Variants in CTNNAL1 observed in about 807,000 individuals in gnomAD.
CTNNAL1 encodes alpha-catulin.
A neutral mutation model predicts 93.6 loss-of-function variants in CTNNAL1; 69 were observed. The observed-to-expected ratio is 0.74, with a 90% CI of 0.61 to 0.90. The LOEUF (loss-of-function observed/expected upper bound fraction) is 0.90. Ranked by LOEUF, CTNNAL1 falls within the 40% of genes least tolerant of loss-of-function variation. CTNNAL1 has a pLI of 0.00. For missense variants in CTNNAL1, 836 were observed against 862.0 expected, an observed-to-expected ratio of 0.97 and a Z score of 0.38; for synonymous variants, 286 against 305.4, an observed-to-expected ratio of 0.94 and a Z score of 0.66.
At chr9:109,007,794 T>G (rs73654210) in intron 1 of CTNNAL1, among the ~76,000 whole-genome samples, 1 of 152,188 alleles carries the variant, frequency 6.6e-6, no homozygotes. Context: ...TGACAGCCCA[T>G]GTACTATCTG....
chr9:108,946,167 C>T (rs1174703291), intron 15 of CTNNAL1, among the ~76,000 whole-genome samples: 3 of 152,122 alleles, frequency 2.0e-5, no homozygotes, highest in Admixed American at 6.5e-5. Context: ...GGCGTGGTAG[C>T]GCACACCTGT....
At chr9:109,006,101 A>G (rs1019301057) in intron 1 of CTNNAL1, among the ~76,000 whole-genome samples, 6 of 152,356 alleles carry the variant, frequency 3.9e-5, no homozygotes, top group Admixed American at 3.9e-4. Flanking sequence ...GAGAGCCTCA[A>G]GAAATAAAAA....
chr9:109,013,445 C>G lies in CTNNAL1; in HGVS notation c.-3G>C. ...GCGGGTCCGGGAGAGGCGGCCATGGCCCTCGGTCTATCCCGCAGCCGGGAC... is the reference window on the plus strand; with the variant it reads ...GCGGGTCCGGGAGAGGCGGCCATGGGCCTCGGTCTATCCCGCAGCCGGGAC... On this transcript the variant is annotated 5_prime_UTR_variant, in exon 1 of 19. Coordinates refer to ENST00000325551, the MANE Select transcript of CTNNAL1 (RefSeq NM_003798.4). The G allele has an allele frequency of 6.9e-7, 1 of 1,454,598 alleles. No homozygotes were observed. The highest frequency in any genetic ancestry group is 9.1e-7 in the Non-Finnish European group (1 of 1,100,582). 90.1% of individuals were successfully genotyped at this position (1,454,598 alleles called of 1,614,324 possible).
chr9:108,970,135 A>C (rs1831067667), intron 10 of CTNNAL1, among the ~76,000 whole-genome samples: 1 of 152,236 alleles, frequency 6.6e-6, no homozygotes, highest in South Asian at 2.1e-4. Context: ...ACATGTTATA[A>C]CAAGTGCATT....
chr9:108,986,674 TCCTCTCCAGCAC>T (rs1276589314), intron 4 of CTNNAL1, among the ~76,000 whole-genome samples: 2 of 151,970 alleles, frequency 1.3e-5, no homozygotes, highest in East Asian at 3.9e-4. Flanking sequence ...TTTCTCCACA[TCCTCTCCAGCAC>T]CTGTTGTTTC....
chr9:108,983,186 T>C lies in CTNNAL1; in HGVS notation c.859A>G (p.Ile287Val). The change falls in exon 6 of 19, where the codon ATT becomes GTT. Residue 287 changes from isoleucine to valine, a missense_variant. Transcript: ENST00000325551. ...TDCKPNGETD[I>V]SSISIFTGIK... ...CCAGTAAAAATACTGATAGATGAAA[T>C]GTCAGTCTCTCCATTCGGTTTACAG... is the stretch of plus-strand genomic sequence containing the variant. 2 of 1,570,910 alleles carry C rather than the reference T, an allele frequency of 1.3e-6. No individual in the cohort carries two copies. The highest frequency in any genetic ancestry group is 1.7e-4 in the Middle Eastern group (1 of 5,910).
chr9:108,993,177 C>T (rs1022445399), intron 2 of CTNNAL1, among the ~76,000 whole-genome samples: 10 of 152,130 alleles, frequency 6.6e-5, no homozygotes, highest in Non-Finnish European at 1.2e-4. Flanking sequence ...AAAACCCGAG[C>T]AGTAAGCAGG....
chr9:108,952,492 C>T lies in CTNNAL1; in HGVS notation c.1632G>A (p.Lys544=). 6.2e-7 allele frequency: 1 copy of T among 1,614,024 alleles called. No homozygotes were observed. The highest frequency in any genetic ancestry group is 8.5e-7 in the Non-Finnish European group (1 of 1,179,946). The change falls in exon 13 of 19, where the codon AAG becomes AAA. Residue 544 remains lysine, a splice_region_variant and synonymous_variant. Coordinates refer to ENST00000325551, the MANE Select transcript of CTNNAL1 (RefSeq NM_003798.4). ...TTAATGATTTCAGGTTTGCATTATT[C>T]TTCTGTGACAATAAAAAGATTAAGA... ...YGYLSLPKPM[K]NNANLKSLKP...
chr9:108,979,550 A>G, intron 6 of CTNNAL1, 69 bp from the exon 7 acceptor site: 1 of 1,433,832 alleles, frequency 7.0e-7, no homozygotes, highest in Non-Finnish European at 9.7e-7. Context: ...ATGGGCTGTA[A>G]TTTCTAACAG....
chr9:108,946,008 A>T (rs1000258177), intron 15 of CTNNAL1, among the ~76,000 whole-genome samples: 1 of 152,094 alleles, frequency 6.6e-6, no homozygotes, highest in African/African-American at 2.4e-5. Flanking sequence ...TACTTAAAAC[A>T]TAATAGGATC....
chr9:108,978,396 CTTCT>C (rs1831324925), intron 7 of CTNNAL1, among the ~76,000 whole-genome samples: 1 of 152,206 alleles, frequency 6.6e-6, no homozygotes, highest in Non-Finnish European at 1.5e-5. Context: ...TCAACTGCTC[CTTCT>C]TTCTTCAGTC....
chr9:108,980,972 A>G (rs1831409906), intron 6 of CTNNAL1, among the ~76,000 whole-genome samples: 1 of 152,242 alleles, frequency 6.6e-6, no homozygotes, highest in African/African-American at 2.4e-5. Flanking sequence ...GTTTCCCTCC[A>G]TAGATTATAC....
intron 8 of CTNNAL1, 31 bp from the exon 9 acceptor site, chr9:108,972,864 G>GGGGGGGGGTGCCC: frequency 7.0e-6 from 1 of 142,590 alleles, no homozygotes; most frequent in Non-Finnish European, 1.0e-5. Flanking sequence ...GGGGGGGTGG[G>GGGGGGGGGTGCCC]AGGGTGGAGA....
intron 12 of CTNNAL1, among the ~76,000 whole-genome samples, chr9:108,954,477 A>G (rs1347415324): frequency 6.6e-6 from 1 of 152,228 alleles, no homozygotes; most frequent in Non-Finnish European, 1.5e-5. Flanking sequence ...ATTTTGTAGT[A>G]GCCCTAAATT....
chr9:108,942,883 A>AT (rs755149193), intron 18 of CTNNAL1, 49 bp from the exon 19 acceptor site: 1 of 1,610,892 alleles, frequency 6.2e-7, no homozygotes, highest in Non-Finnish European at 8.5e-7. Context: ...TGAAAAAAAA[A>AT]TTACAAAATT....
In CTNNAL1 at chr9:109,009,745, T is replaced by A. The variant is rs138029161; in HGVS notation, c.141+3557A>T. Among the ~76,000 whole-genome samples, 14 of 152,362 alleles carry A rather than the reference T, an allele frequency of 9.2e-5. No individual in the cohort carries two copies. The East Asian group carries it at 2.5e-3, about 27-fold the overall frequency. On this transcript the variant is annotated intron_variant, in intron 1 of 18. Coordinates refer to ENST00000325551, the MANE Select transcript of CTNNAL1 (RefSeq NM_003798.4). ...CTGAAAAATCTTGCTGAAATTTTCA[T>A]GGAAATTGCATTAAATTGACCAATA...
At position 109,005,200 on chromosome 9, in the gene CTNNAL1, T is replaced by G. The variant is rs180953538; in HGVS notation, c.142-5944A>C. On this transcript the variant is annotated intron_variant, in intron 1 of 18. Coordinates refer to ENST00000325551, the MANE Select transcript of CTNNAL1 (RefSeq NM_003798.4). ...CTGCTGGGAAGCACAGAACAAATCC[T>G]ACTGGCACCAGCTTAATCCTTTTCC... Among the ~76,000 whole-genome samples the G allele has an allele frequency of 7.2e-5, 11 of 152,236 alleles. No individual in the cohort carries two copies. In the East Asian group the frequency reaches 2.1e-3, roughly 29 times the overall value.
In CTNNAL1 at chr9:108,951,988, C is replaced by T. The variant is rs28361168; in HGVS notation, c.1835+221G>A. 6.8e-4 allele frequency among the ~76,000 whole-genome samples: 104 copies of T among 152,006 alleles called. 3 individuals are homozygous for T. The South Asian group carries it at 0.021, about 31-fold the overall frequency. On this transcript the variant is annotated intron_variant, in intron 14 of 18. Coordinates refer to ENST00000325551, the MANE Select transcript of CTNNAL1 (RefSeq NM_003798.4). Reference sequence around the variant, plus strand: ...TTATTTCAATGATGGAAAGAGTGGGCAGAAACCTAGCAGAAGATCCCTTCT... The same window carrying T: ...TTATTTCAATGATGGAAAGAGTGGGTAGAAACCTAGCAGAAGATCCCTTCT...
At chr9:108,957,399 C>T (rs1029671428) in intron 11 of CTNNAL1, among the ~76,000 whole-genome samples, 1 of 151,192 alleles carries the variant, frequency 6.6e-6, no homozygotes, top group Non-Finnish European at 1.5e-5. Flanking sequence ...AAATTACAGG[C>T]ATGAGCCACT....
Sources: gnomAD v4.1 joint callset for allele counts (sites outside exome capture counted in the v4.1 genomes callset) on GRCh38, gnomAD v4.1.1 for gene constraint, MANE v1.5 for transcripts, NCBI Gene and HGNC (gene_info 2026-07-23, HGNC 2026-07-21) for gene names.